Variants in SNX29 observed in about 807,000 individuals in gnomAD.
SNX29 encodes sorting nexin 29.
In SNX29, 78 loss-of-function variants were observed where a neutral mutation model predicts 102.1. The ratio of observed to expected loss-of-function variants is 0.76; its 90% CI spans 0.64 to 0.92. The LOEUF is 0.92. Ranked by LOEUF, SNX29 falls within the 40% of genes least tolerant of loss-of-function variation. The pLI, the probability that SNX29 is intolerant of heterozygous loss-of-function variation, is 0.00. For synonymous variants in SNX29, 580 were observed against 414.5 expected (o/e 1.40, Z -4.85); for missense variants, 1,280 against 1,061.7 (o/e 1.21, Z -2.86).
intron 11 of SNX29, among the ~76,000 whole-genome samples, chr16:12,105,203 TCCTCCCTC>T (rs55784743): frequency 0.21 from 30,376 of 142,842 alleles, 3,582 homozygotes; most frequent in Non-Finnish European, 0.27. Flanking sequence ...CTTCCTCCCT[TCCTCCCTC>T]CCTCCCTCCC....
In SNX29 at chr16:12,096,279, G is replaced by A. The variant is rs1482804912; in HGVS notation, c.1402+17364G>A. On this transcript the variant is annotated intron_variant, in intron 11 of 20. Transcript: ENST00000566228. The surrounding 1 kb of genome is among the most constrained non-coding windows in gnomAD (Gnocchi z 4.2). ...TCTTAGTAATTGGAAGGTTCCAGAT[G>A]GCATTTAGACATGCCTCACTTCTTT... Among the ~76,000 whole-genome samples, 1 of 152,206 alleles carries A rather than the reference G, an allele frequency of 6.6e-6. No homozygotes were observed. Among genetic ancestry groups the A allele is most frequent in the Non-Finnish European group, 1.5e-5 (1 of 68,030 alleles).
chr16:12,410,916 C>T (rs2084372010), intron 18 of SNX29, among the ~76,000 whole-genome samples: 1 of 152,214 alleles, frequency 6.6e-6, no homozygotes, highest in Non-Finnish European at 1.5e-5. Context: ...TCTTCCTTTT[C>T]ATCCTCTCTT....
chr16:12,492,861 G>C (rs978817701), intron 19 of SNX29, among the ~76,000 whole-genome samples: 4 of 152,186 alleles, frequency 2.6e-5, no homozygotes, highest in African/African-American at 9.7e-5. Context: ...CATTATTTCT[G>C]AGGGCTCTGT....
chr16:12,207,489 T>C (rs1406298939), intron 14 of SNX29, among the ~76,000 whole-genome samples: 1 of 152,224 alleles, frequency 6.6e-6, no homozygotes, highest in African/African-American at 2.4e-5. Context: ...AAGAATCCGC[T>C]GTGGGTGTTA....
chr16:11,994,777 A>G (rs1436474313), intron 1 of SNX29, among the ~76,000 whole-genome samples: 1 of 152,094 alleles, frequency 6.6e-6, no homozygotes, highest in Non-Finnish European at 1.5e-5. Context: ...TGTACTCTCC[A>G]CTGGATTCAA....
chr16:12,346,640 G>A (rs532667212), intron 15 of SNX29, among the ~76,000 whole-genome samples: 280 of 152,322 alleles, frequency 1.8e-3, no homozygotes, highest in African/African-American at 6.5e-3. Flanking sequence ...TGCCTCTTGT[G>A]TGTTCTTCTT....
In SNX29 at chr16:12,092,613, C is replaced by T. The variant is rs530778860; in HGVS notation, c.1402+13698C>T. ...GATCCTGGCTCTGAGAGTAGTAGGT[C>T]GCTTGACCTCTCTGTGCCTCAGTTT... is the stretch of plus-strand genomic sequence containing the variant. On this transcript the variant is annotated intron_variant, in intron 11 of 20. Coordinates refer to ENST00000566228, the MANE Select transcript of SNX29 (RefSeq NM_032167.5). Among the ~76,000 whole-genome samples the T allele has an allele frequency of 4.6e-5, 7 of 152,266 alleles. No homozygotes were observed. In the South Asian group the frequency reaches 8.3e-4, roughly 18 times the overall value.
intron 18 of SNX29, among the ~76,000 whole-genome samples, chr16:12,460,812 C>T (rs1210215079): frequency 6.6e-6 from 1 of 152,084 alleles, no homozygotes; most frequent in African/African-American, 2.4e-5. Context: ...GGGTGCATGC[C>T]ACCATGCCCG....
Position 12,481,554 on chromosome 16 carries a change from A to ACCCC in SNX29, c.2178+3696_2178+3699dup, listed in dbSNP as rs535949606. Among the ~76,000 whole-genome samples, 435 of 117,750 alleles carry ACCCC rather than the reference A, an allele frequency of 3.7e-3. 1 individual carries two copies. The highest frequency in any genetic ancestry group is 5.5e-3 in the Admixed American group (68 of 12,330). 77.2% of individuals were successfully genotyped at this position (117,750 alleles called of 152,430 possible). A position where few individuals can be genotyped will look rare whatever the true frequency, so the allele number is the denominator to read the frequency against. On this transcript the variant is annotated intron_variant, in intron 19 of 20. Coordinates refer to ENST00000566228, the MANE Select transcript of SNX29 (RefSeq NM_032167.5). ...CACACACACACACACACACACACAC[A>ACCCC]CCCCAAATGTCACCCTGTCGCCCAG...
intron 19 of SNX29, among the ~76,000 whole-genome samples, chr16:12,501,079 C>T (rs151220333): frequency 1.2e-4 from 18 of 152,294 alleles, no homozygotes; most frequent in Non-Finnish European, 1.0e-4. Flanking sequence ...AGGCTCTCAC[C>T]GCTTCTGCCT....
At chr16:12,227,218 C>G (rs1286249460) in intron 14 of SNX29, among the ~76,000 whole-genome samples, 1 of 152,190 alleles carries the variant, frequency 6.6e-6, no homozygotes, top group Non-Finnish European at 1.5e-5. Flanking sequence ...CCTTGTCATC[C>G]CACAGAGCTG....
intron 14 of SNX29, among the ~76,000 whole-genome samples, chr16:12,215,753 T>C (rs1457069894): frequency 6.6e-6 from 1 of 152,196 alleles, no homozygotes; most frequent in Non-Finnish European, 1.5e-5. Flanking sequence ...GATTTTGTCC[T>C]CGTAATCTCA....
chr16:12,481,517 C>T (rs1015765291), intron 19 of SNX29, among the ~76,000 whole-genome samples: 82 of 53,166 alleles, frequency 1.5e-3, no homozygotes, highest in African/African-American at 5.3e-3. Context: ...CATATAGACA[C>T]ACACACACAC....
At chr16:12,526,641 G>T in intron 20 of SNX29, 1 of 528,366 alleles carries the variant, frequency 1.9e-6, no homozygotes, top group African/African-American at 1.9e-5. Context: ...AGGGTGCACG[G>T]GGGAATTAGC....
At chr16:12,568,033 C>A (rs1235821778) in intron 20 of SNX29, among the ~76,000 whole-genome samples, 1 of 152,152 alleles carries the variant, frequency 6.6e-6, no homozygotes, top group Non-Finnish European at 1.5e-5. Flanking sequence ...TTAACTAGCC[C>A]CTAGCCTAGG....
chr16:12,568,274 C>G (rs187858131), intron 20 of SNX29, among the ~76,000 whole-genome samples: 2 of 145,988 alleles, frequency 1.4e-5, no homozygotes, highest in South Asian at 2.2e-4. Flanking sequence ...AGACTCACAG[C>G]CAAGCTTGGT....
At chr16:12,188,580 C>T (rs1227546905) in intron 13 of SNX29, among the ~76,000 whole-genome samples, 1 of 152,026 alleles carries the variant, frequency 6.6e-6, no homozygotes, top group Non-Finnish European at 1.5e-5. Flanking sequence ...TCTTGAGTGA[C>T]GAGTTGTTTG....
chr16:12,470,909 C>T (rs1160460197), intron 18 of SNX29, among the ~76,000 whole-genome samples: 1 of 152,204 alleles, frequency 6.6e-6, no homozygotes, highest in Non-Finnish European at 1.5e-5. Context: ...ACCTCACAAC[C>T]ACCCAGTGAC....
chr16:12,541,820 G>A (rs775892189), intron 20 of SNX29, among the ~76,000 whole-genome samples: 7 of 152,186 alleles, frequency 4.6e-5, no homozygotes, highest in East Asian at 1.9e-4. Context: ...AACCAAGCTC[G>A]CCTCTTCCCC....
Sources: allele counts gnomAD v4.1 joint callset (sites outside exome capture counted in the v4.1 genomes callset), GRCh38; gene constraint gnomAD v4.1.1; non-coding constraint Gnocchi (gnomAD v3.1); transcripts MANE v1.5; gene names NCBI Gene and HGNC (gene_info 2026-07-23, HGNC 2026-07-21).